WWC1: variants seen among roughly 807,000 people sequenced by gnomAD.
WWC1 encodes WW and C2 domain containing 1.
Under a neutral mutation model 138.4 loss-of-function variants are expected in WWC1, and 55 were observed. The observed-to-expected ratio is 0.40, with a 90% CI of 0.32 to 0.50. The LOEUF (loss-of-function observed/expected upper bound fraction) is 0.50. WWC1 is among the 20% of genes least tolerant of loss of function. WWC1 has a pLI of 0.72. For synonymous variants in WWC1, 524 were observed against 564.9 expected (o/e 0.93, Z 1.03); for missense variants, 1,226 against 1,420.4 (o/e 0.86, Z 2.20).
chr5:168,292,543 C>T lies in WWC1; in HGVS notation c.119+272C>T, dbSNP rs1195544971. 2.0e-5 allele frequency among the ~76,000 whole-genome samples: 3 copies of T among 152,068 alleles called. No individual in the cohort carries two copies. The highest frequency in any genetic ancestry group is 7.2e-5 in the African/African-American group (3 of 41,426). On this transcript the variant is annotated intron_variant, in intron 1 of 22. Transcript: ENST00000265293. This position sits in a 1 kb window ranked among gnomAD's most constrained non-coding sequence, Gnocchi z 4.4. ...ACTTAGGCCCCAGCCGGCACCTGCC[C>T]GGAGTTTTGACCTTAAGCTCTAGCC...
chr5:168,415,927 C>T (rs1466160398), intron 9 of WWC1: 3 of 151,352 alleles, frequency 2.0e-5, no homozygotes, highest in Non-Finnish European at 4.4e-5. Flanking sequence ...GGCAGAGGCC[C>T]AGTCTATGAA....
intron 1 of WWC1, among the ~76,000 whole-genome samples, chr5:168,310,891 G>A (rs1480777268): frequency 6.6e-6 from 1 of 151,808 alleles, no homozygotes; most frequent in African/African-American, 2.4e-5. Flanking sequence ...ATACATTGGT[G>A]TGAATTTCCT....
rs1757667827 is a variant in WWC1, at chr5:168,471,418, C to T, written c.*2401C>T. On this transcript the variant is annotated 3_prime_UTR_variant, in exon 23 of 23. Transcript: ENST00000265293. The stretch of plus-strand genomic sequence containing the variant: ...CTTCGTAATGTCTTCATATGAGTAT[C>T]AATCAACACCTTCCCCAACTCAATT... The T allele has an allele frequency of 6.6e-6, 1 of 152,288 alleles. No individual in the cohort carries two copies. The highest frequency in any genetic ancestry group is 6.5e-5 in the Admixed American group (1 of 15,278). 9.4% of individuals were successfully genotyped at this position (152,288 alleles called of 1,614,324 possible). A position where few individuals can be genotyped will look rare whatever the true frequency, so the allele number is the denominator to read the frequency against.
intron 4 of WWC1, among the ~76,000 whole-genome samples, chr5:168,399,223 G>A (rs1779132083): frequency 1.4e-5 from 1 of 69,932 alleles, no homozygotes; most frequent in African/African-American, 8.2e-5. Flanking sequence ...GTCAGCTCCT[G>A]TCCACCTGTT....
At chr5:168,295,455 C>CA (rs1389456721) in intron 1 of WWC1, among the ~76,000 whole-genome samples, 5 of 149,240 alleles carry the variant, frequency 3.4e-5, no homozygotes, top group Admixed American at 6.7e-5. Flanking sequence ...TGCTGTGAGA[C>CA]AAAAAATTGC....
intron 14 of WWC1, among the ~76,000 whole-genome samples, chr5:168,430,937 A>G (rs1365119298): frequency 3.3e-5 from 5 of 152,192 alleles, no homozygotes; most frequent in African/African-American, 1.2e-4. Flanking sequence ...GCTTGGGTCA[A>G]TTTCAGTCTT....
chr5:168,408,028 A>ATTTTTTT (rs1181472544), intron 6 of WWC1, among the ~76,000 whole-genome samples: 1 of 117,442 alleles, frequency 8.5e-6, no homozygotes, highest in South Asian at 3.1e-4. Flanking sequence ...ACATCCAGCT[A>ATTTTTTT]TTTTTTTTTT....
chr5:168,467,675 T>C, intron 21 of WWC1, 165 bp from the exon 22 acceptor site: 1 of 1,011,992 alleles, frequency 9.9e-7, no homozygotes, highest in African/African-American at 1.6e-5. Flanking sequence ...CTCAAACAGA[T>C]GATTTGAGCA....
Position 168,464,797 on chromosome 5 carries a change from G to T in WWC1, c.2985G>T (p.Leu995=), listed in dbSNP as rs774235107. Reference sequence around the variant, plus strand: ...CCTCGCTGGACCTGGAGTTAGACCTGCAGGCGACAAGAACCTGGCACAGCC... The same window carrying T: ...CCTCGCTGGACCTGGAGTTAGACCTTCAGGCGACAAGAACCTGGCACAGCC... The part of the protein sequence containing the change: ...IRTSLDLELD[L]QATRTWHSQL... Residue 995 remains leucine, a synonymous_variant, in exon 21 of 23, where the codon CTG becomes CTT. Transcript: ENST00000265293. 18 of 1,614,172 alleles carry T rather than the reference G, an allele frequency of 1.1e-5. No individual in the cohort carries two copies. The South Asian group carries it at 1.9e-4, about 17-fold the overall frequency.
chr5:168,392,998 G>C (rs1453670237), intron 3 of WWC1, among the ~76,000 whole-genome samples: 2 of 151,894 alleles, frequency 1.3e-5, no homozygotes, highest in Non-Finnish European at 2.9e-5. Context: ...GAATAAAAAA[G>C]AGCTCATGGA....
At chr5:168,448,018 T>A (rs960596324) in intron 17 of WWC1, among the ~76,000 whole-genome samples, 1 of 152,188 alleles carries the variant, frequency 6.6e-6, no homozygotes, top group Non-Finnish European at 1.5e-5. Context: ...TCCAAGCTTG[T>A]GCTGAGACTT....
At chr5:168,349,312 C>A (rs1308065703) in intron 1 of WWC1, among the ~76,000 whole-genome samples, 1 of 152,156 alleles carries the variant, frequency 6.6e-6, no homozygotes, top group Non-Finnish European at 1.5e-5. Flanking sequence ...CTCTGACACG[C>A]CTGTTTCTCA....
intron 1 of WWC1, among the ~76,000 whole-genome samples, chr5:168,321,147 C>T (rs1201425596): frequency 1.3e-5 from 2 of 152,110 alleles, no homozygotes; most frequent in African/African-American, 4.8e-5. Flanking sequence ...GTAGGACATC[C>T]CCCTCATCCC....
chr5:168,460,834 C>G, intron 20 of WWC1, 92 bp downstream of exon 20: 1 of 1,316,810 alleles, frequency 7.6e-7, no homozygotes, highest in Non-Finnish European at 1.1e-6. Flanking sequence ...TAATGTCTGG[C>G]CATTTCTCCT....
At chr5:168,388,528 A>C (rs1177952399) in intron 3 of WWC1, among the ~76,000 whole-genome samples, 1 of 152,140 alleles carries the variant, frequency 6.6e-6, no homozygotes, top group East Asian at 1.9e-4. Flanking sequence ...AAAGGAAAGG[A>C]AAGAAAATAG....
chr5:168,439,855 T>G (rs1319180013), intron 15 of WWC1, among the ~76,000 whole-genome samples: 2 of 152,134 alleles, frequency 1.3e-5, no homozygotes, highest in East Asian at 3.8e-4. Flanking sequence ...ACGAGCAAGG[T>G]GAGAGAGGGC....
chr5:168,353,492 C>T (rs1561647380), intron 1 of WWC1, among the ~76,000 whole-genome samples: 1 of 152,252 alleles, frequency 6.6e-6, no homozygotes, highest in East Asian at 1.9e-4. Context: ...TGCCAACCCT[C>T]CACCTCTCTC....
chr5:168,325,222 C>T (rs1166492006), intron 1 of WWC1, among the ~76,000 whole-genome samples: 1 of 152,184 alleles, frequency 6.6e-6, no homozygotes, highest in African/African-American at 2.4e-5. Flanking sequence ...CTACCAACAG[C>T]TCCCACAGGG....
chr5:168,467,665 C>T (rs1392331806), intron 21 of WWC1, 175 bp from the exon 22 acceptor site: 1 of 970,716 alleles, frequency 1.0e-6, no homozygotes, highest in East Asian at 2.7e-5. Context: ...AATCTAGTCA[C>T]TCAAACAGAT....
Sources: gnomAD v4.1 joint callset for allele counts (sites outside exome capture counted in the v4.1 genomes callset) on GRCh38, gnomAD v4.1.1 for gene constraint, Gnocchi (gnomAD v3.1) non-coding constraint, MANE v1.5 for transcripts, NCBI Gene and HGNC (gene_info 2026-07-23, HGNC 2026-07-21) for gene names.